NCOR2: variants seen among roughly 807,000 people sequenced by gnomAD.
NCOR2 encodes CTG repeat protein 26.
NCOR2 carries 81 observed loss-of-function variants against 262.9 expected under a neutral mutation model. The ratio of observed to expected loss-of-function variants is 0.31; its 90% CI spans 0.26 to 0.37. NCOR2 has a LOEUF of 0.37. Among genes scored for constraint, NCOR2 ranks in the 10% least tolerant of loss-of-function variants. The pLI is 1.00. For synonymous variants in NCOR2, 1,659 were observed against 1,559.3 expected (o/e 1.06, Z -1.51); for missense variants, 3,385 against 3,621.4 (o/e 0.93, Z 1.68).
chr12:124,490,638 G>A (rs2048035862), intron 1 of NCOR2, among the ~76,000 whole-genome samples: 3 of 152,182 alleles, frequency 2.0e-5, no homozygotes, highest in South Asian at 4.1e-4. Flanking sequence ...CCCCCCCAGG[G>A]CACTCAGGAC....
At chr12:124,565,051 T>C (rs1158404084) in intron 1 of NCOR2, among the ~76,000 whole-genome samples, 3 of 152,064 alleles carry the variant, frequency 2.0e-5, no homozygotes, top group Admixed American at 1.3e-4. Context: ...GAACAGATTA[T>C]GCCAAATAAA....
At chr12:124,422,650 C>A in intron 11 of NCOR2, 95 bp from the exon 14 acceptor site, 1 of 1,483,176 alleles carries the variant, frequency 6.7e-7, no homozygotes, top group East Asian at 2.4e-5. Flanking sequence ...TCCCCACTGG[C>A]CGGGCCTGGC....
Position 124,481,647 on chromosome 12 carries a change from C to T in NCOR2, c.411+1949G>A, listed in dbSNP as rs1314833789. Among the ~76,000 whole-genome samples, 5 of 152,246 alleles carry T rather than the reference C, an allele frequency of 3.3e-5. No homozygotes were observed. The highest frequency in any genetic ancestry group is 1.3e-4 in the Admixed American group (2 of 15,292). ...GGTGGCCTGGGAGGCTGTACGTGAG[C>T]GGTTGAGAGGGCTGCTGCAGGGAGA... On this transcript the variant is annotated intron_variant, in intron 3 of 46. Transcript: ENST00000405201. This position sits in a 1 kb window ranked among gnomAD's most constrained non-coding sequence, Gnocchi z 4.6.
chr12:124,492,555 G>A (rs1381586793), intron 1 of NCOR2, among the ~76,000 whole-genome samples: 1 of 152,132 alleles, frequency 6.6e-6, no homozygotes, highest in Non-Finnish European at 1.5e-5. Context: ...GCATCCCGTG[G>A]ATCCCAGCAG....
chr12:124,397,310 C>T (rs1346893421), intron 16 of NCOR2, among the ~76,000 whole-genome samples: 4 of 152,218 alleles, frequency 2.6e-5, no homozygotes, highest in Admixed American at 6.5e-5. Context: ...TATCTGATTC[C>T]GCACAGCCAA....
intron 44 of NCOR2, among the ~76,000 whole-genome samples, chr12:124,328,227 C>T (rs1031554212): frequency 6.6e-6 from 1 of 152,074 alleles, no homozygotes; most frequent in African/African-American, 2.4e-5. Flanking sequence ...AGCCCCGTAC[C>T]TCCCCACCAA....
chr12:124,431,152 A>T (rs2043893176), intron 8 of NCOR2, among the ~76,000 whole-genome samples: 2 of 146,190 alleles, frequency 1.4e-5, no homozygotes, highest in Non-Finnish European at 2.9e-5. Flanking sequence ...ACACACATGC[A>T]GTCACAGACA....
intron 1 of NCOR2, among the ~76,000 whole-genome samples, chr12:124,563,231 G>A (rs1234407918): frequency 2.6e-5 from 4 of 152,270 alleles, no homozygotes; most frequent in Admixed American, 6.5e-5. Flanking sequence ...CTTGGGGATG[G>A]CAGATGAAAC....
intron 8 of NCOR2, among the ~76,000 whole-genome samples, chr12:124,435,043 G>A (rs990468166): frequency 6.6e-5 from 10 of 152,180 alleles, no homozygotes; most frequent in Non-Finnish European, 1.0e-4. Flanking sequence ...ATGTTTCCAC[G>A]CGACCTGGCT....
intron 22 of NCOR2, among the ~76,000 whole-genome samples, chr12:124,358,097 G>T (rs77581721): frequency 7.2e-6 from 1 of 138,086 alleles, no homozygotes; most frequent in South Asian, 2.4e-4. Flanking sequence ...GTGTGTGTGC[G>T]CGCGCGCACG....
intron 2 of NCOR2, 139 bp downstream of exon 4, chr12:124,486,302 G>A (rs956349361): frequency 1.5e-6 from 2 of 1,366,492 alleles, no homozygotes; most frequent in South Asian, 2.7e-5. Flanking sequence ...GCCCACGCCA[G>A]GTCAAGGGTG....
At chr12:124,353,133 G>A (rs551375106) in intron 27 of NCOR2, among the ~76,000 whole-genome samples, 1 of 152,368 alleles carries the variant, frequency 6.6e-6, no homozygotes, top group Admixed American at 6.5e-5. Flanking sequence ...GTTCGAGGAA[G>A]GGCGCGGGTC....
intron 1 of NCOR2, among the ~76,000 whole-genome samples, chr12:124,535,211 G>C (rs549157280): frequency 2.0e-5 from 3 of 152,160 alleles, no homozygotes; most frequent in Non-Finnish European, 4.4e-5. Context: ...CCAAACCTGC[G>C]GGCCCACCGC....
chr12:124,442,803 G>A (rs947580933), intron 7 of NCOR2, among the ~76,000 whole-genome samples: 2 of 152,212 alleles, frequency 1.3e-5, no homozygotes, highest in Non-Finnish European at 2.9e-5. Context: ...AGAGCGAGAA[G>A]CAAGTTAGAA....
chr12:124,376,856 T>A (rs957257450), intron 18 of NCOR2, among the ~76,000 whole-genome samples: 1 of 151,834 alleles, frequency 6.6e-6, no homozygotes, highest in African/African-American at 2.4e-5. Context: ...GGAAGGAGGG[T>A]TGAATTCACC....
At chr12:124,356,750 C>G (rs377013062) in exon 23 of NCOR2, 3 of 1,492,318 alleles carry the variant, frequency 2.0e-6, no homozygotes, top group African/African-American at 2.9e-5. Flanking sequence ...CAAGGGGGGT[C>G]CCCAGGCAGC....
Position 124,402,661 on chromosome 12 carries a change from G to A in NCOR2, c.1483-100C>T, listed in dbSNP as rs1593384729. 9.2e-6 allele frequency: 14 copies of A among 1,528,092 alleles called. No homozygotes were observed. The East Asian group carries it at 1.2e-4, about 13-fold the overall frequency. 94.7% of individuals were successfully genotyped at this position (1,528,092 alleles called of 1,614,324 possible). A position where few individuals can be genotyped will look rare whatever the true frequency, so the allele number is the denominator to read the frequency against. ...GGCTCAGCCTGAGCTGGGGGAGGAGGAGGAAAACCCGTGGAGTCCACCCAG... is the reference window on the plus strand; with the variant it reads ...GGCTCAGCCTGAGCTGGGGGAGGAGAAGGAAAACCCGTGGAGTCCACCCAG... On this transcript the variant is annotated intron_variant, in intron 13 of 46. Coordinates refer to ENST00000405201, the Ensembl canonical transcript of NCOR2.
At chr12:124,369,440 G>T (rs1455646072) in intron 20 of NCOR2, among the ~76,000 whole-genome samples, 1 of 152,088 alleles carries the variant, frequency 6.6e-6, no homozygotes, top group African/African-American at 2.4e-5. Context: ...ATGATACTGG[G>T]CGGGCAGCCA....
At chr12:124,345,965 C>T (rs1333654891) in intron 31 of NCOR2, among the ~76,000 whole-genome samples, 3 of 152,282 alleles carry the variant, frequency 2.0e-5, no homozygotes, top group South Asian at 2.1e-4. Context: ...ACCATCGGCA[C>T]GGAACTTCCC....
Sources: allele counts gnomAD v4.1 joint callset (sites outside exome capture counted in the v4.1 genomes callset), GRCh38; gene constraint gnomAD v4.1.1; non-coding constraint Gnocchi (gnomAD v3.1); transcripts MANE v1.5; gene names NCBI Gene and HGNC (gene_info 2026-07-23, HGNC 2026-07-21).